MTG2: variants seen among roughly 807,000 people sequenced by gnomAD.
MTG2 encodes mitochondrial ribosome-associated GTPase 2.
Under a neutral mutation model 28.6 loss-of-function variants are expected in MTG2, and 23 were observed. That is an observed-to-expected ratio of 0.80 (90% CI 0.58 to 1.14). The LOEUF is 1.14. Among genes scored for constraint, MTG2 ranks in the 50% most tolerant of loss-of-function variants. MTG2 has a pLI of 0.00. For synonymous variants in MTG2, 260 were observed against 251.8 expected (o/e 1.03, Z -0.31); for missense variants, 539 against 552.0 (o/e 0.98, Z 0.24).
Position 62,200,787 on chromosome 20 carries a change from G to A in MTG2, c.931G>A (p.Asp311Asn). The A allele has an allele frequency of 6.2e-7, 1 of 1,613,860 alleles. No individual in the cohort carries two copies. The highest frequency in any genetic ancestry group is 8.5e-7 in the Non-Finnish European group (1 of 1,180,040). The change falls in exon 7 of 7, where the codon GAT becomes AAT. Residue 311 changes from aspartate (D) to asparagine (N), a missense_variant. Physicochemically the swap from Asp to Asn is conservative, Grantham distance 23. Transcript: ENST00000370823. ...CTGCCGCTTTCTCTTGTTCGTGGTG[G>A]ATCTTTCTCAGCCTGAGCCGTGGAC... ...ERCRFLLFVVDLSQPEPWTQV... is the reference protein window; with the variant it reads ...ERCRFLLFVVNLSQPEPWTQV...
intron 6 of MTG2, among the ~76,000 whole-genome samples, chr20:62,199,585 G>T (rs1222567665): frequency 2.7e-5 from 4 of 145,838 alleles, no homozygotes; most frequent in African/African-American, 1.0e-4. Context: ...GGCAAAGCTT[G>T]CAGTGAGCCG....
At chr20:62,194,288 C>A (rs1365256407) in intron 2 of MTG2, among the ~76,000 whole-genome samples, 1 of 152,216 alleles carries the variant, frequency 6.6e-6, no homozygotes, top group Admixed American at 6.5e-5. Flanking sequence ...AATGGAGGGG[C>A]TCCAGATAAG....
rs148334622 is a variant in MTG2 at position 62,192,119 on chromosome 20, G to A, written c.-5-1297G>A. On this transcript the variant is annotated intron_variant, in intron 1 of 6. Coordinates refer to ENST00000370823, the MANE Select transcript of MTG2 (RefSeq NM_015666.4). ...ATTCAGTTCAGTCTGACCCTGCCGCGGTTATCAGGGACCCCAGCGTTAGGG... is the reference window on the plus strand; with the variant it reads ...ATTCAGTTCAGTCTGACCCTGCCGCAGTTATCAGGGACCCCAGCGTTAGGG... Among the ~76,000 whole-genome samples the A allele has an allele frequency of 2.6e-4, 39 of 152,326 alleles. No individual in the cohort carries two copies. The South Asian group carries it at 7.1e-3, about 28-fold the overall frequency.
chr20:62,183,450 A>G (rs1568778260), intron 1 of MTG2, among the ~76,000 whole-genome samples: 1 of 152,252 alleles, frequency 6.6e-6, no homozygotes, highest in Non-Finnish European at 1.5e-5. Flanking sequence ...TAAACATTTT[A>G]AAGTGATTAT....
chr20:62,190,979 C>G (rs1004196578), intron 1 of MTG2, among the ~76,000 whole-genome samples: 3 of 152,078 alleles, frequency 2.0e-5, no homozygotes, highest in African/African-American at 7.2e-5. Context: ...TGGGAGCAGG[C>G]GGGGAGGTGG....
rs2058165536 is a variant in MTG2 at position 62,201,244 on chromosome 20, C to T, written c.*167C>T. The T allele has an allele frequency of 1.2e-5, 10 of 827,118 alleles. No homozygotes were observed. The highest frequency in any genetic ancestry group is 1.8e-5 in the Non-Finnish European group (10 of 547,100). The allele number at this position is 827,118 out of a possible 1,614,324, so 51.2% of individuals were successfully genotyped here. On this transcript the variant is annotated 3_prime_UTR_variant, in exon 7 of 7. Coordinates refer to ENST00000370823, the MANE Select transcript of MTG2 (RefSeq NM_015666.4). ...AGATGCCCTCATGTTGGGAAGCATTCCGTGCCCCCTACCCCGCCTGCCCTC... is the reference window on the plus strand; with the variant it reads ...AGATGCCCTCATGTTGGGAAGCATTTCGTGCCCCCTACCCCGCCTGCCCTC...
intron 2 of MTG2, among the ~76,000 whole-genome samples, chr20:62,195,216 A>C (rs1290787827): frequency 2.0e-5 from 3 of 152,028 alleles, no homozygotes; most frequent in African/African-American, 7.3e-5. Context: ...ACAAAAAACA[A>C]AACAGCTTTC....
intron 3 of MTG2, 65 bp downstream of exon 3, chr20:62,196,014 C>A: frequency 6.3e-7 from 1 of 1,579,144 alleles, no homozygotes; most frequent in East Asian, 2.3e-5. Context: ...TGCATTTGAA[C>A]TAAAAACCTG....
chr20:62,190,932 G>A (rs572930114), intron 1 of MTG2, among the ~76,000 whole-genome samples: 54 of 152,234 alleles, frequency 3.5e-4, no homozygotes, highest in Non-Finnish European at 6.5e-4. Context: ...AACTCAGCCA[G>A]TCGGAGAACA....
Position 62,201,502 on chromosome 20 carries a change from A to G in MTG2, c.*425A>G, listed in dbSNP as rs529783031. 38 of 164,378 alleles carry G rather than the reference A, an allele frequency of 2.3e-4. No individual in the cohort carries two copies. The highest frequency in any genetic ancestry group is 4.5e-4 in the Non-Finnish European group (34 of 76,136). 10.2% of individuals were successfully genotyped at this position (164,378 alleles called of 1,614,324 possible). On this transcript the variant is annotated 3_prime_UTR_variant, in exon 7 of 7. Coordinates refer to ENST00000370823, the MANE Select transcript of MTG2 (RefSeq NM_015666.4). ...TCAGCACAGTGCCCGTCGTGCTTCC[A>G]TGGCTTGCTACGGAGAGAGACCTCT...
At chr20:62,198,975 G>A in intron 5 of MTG2, 123 bp downstream of exon 5, 1 of 1,536,768 alleles carries the variant, frequency 6.5e-7, no homozygotes, top group Middle Eastern at 1.7e-4. Context: ...TTTCCCATCA[G>A]TACACTGCTG....
Position 62,200,719 on chromosome 20 carries a change from A to G in MTG2, c.863A>G (p.Gln288Arg). The G allele has an allele frequency of 6.2e-7, 1 of 1,612,650 alleles. No homozygotes were observed. The highest frequency in any genetic ancestry group is 8.5e-7 in the Non-Finnish European group (1 of 1,179,760). Reference protein sequence around the residue: ...DIPGIIRGAHQNRGLGSAFLR... With the variant: ...DIPGIIRGAHRNRGLGSAFLR... ...CCCGGCATCATACGAGGCGCCCACC[A>G]GAACAGGGGTCTGGGGTCCGCCTTC... Residue 288 changes from glutamine (Q) to arginine (R), a missense_variant, in exon 7 of 7, where the codon CAG becomes CGG. Coordinates refer to ENST00000370823, the MANE Select transcript of MTG2 (RefSeq NM_015666.4).
At chr20:62,199,086 G>T (rs73309508) in intron 5 of MTG2, 33 bp from the exon 6 acceptor site, 8 of 1,612,026 alleles carry the variant, frequency 5.0e-6, no homozygotes, top group South Asian at 2.2e-5. Context: ...GTGCTGCCGC[G>T]GGCCGTGCCA....
At chr20:62,186,528 G>GTTTTTTTT (rs56818308) in intron 1 of MTG2, among the ~76,000 whole-genome samples, 15 of 127,098 alleles carry the variant, frequency 1.2e-4, no homozygotes, top group Non-Finnish European at 1.5e-4. Flanking sequence ...TTTTTTTTTT[G>GTTTTTTTT]TTTTTTTTTT....
At chr20:62,193,303 G>A (rs2145845378) in intron 1 of MTG2, 113 bp from the exon 2 acceptor site, 2 of 1,069,944 alleles carry the variant, frequency 1.9e-6, no homozygotes, top group Non-Finnish European at 2.8e-6. Context: ...CAGTTCACTT[G>A]TTTGTTTCAG....
intron 1 of MTG2, among the ~76,000 whole-genome samples, chr20:62,192,735 C>T (rs2057984180): frequency 1.3e-5 from 2 of 152,136 alleles, no homozygotes; most frequent in African/African-American, 4.8e-5. Context: ...GTGTCAGGCA[C>T]CCCTATCGCC....
chr20:62,187,910 C>T (rs976259578), intron 1 of MTG2, among the ~76,000 whole-genome samples: 1 of 152,060 alleles, frequency 6.6e-6, no homozygotes, highest in African/African-American at 2.4e-5. Context: ...TTAGATCTTT[C>T]TTCTTTACCA....
chr20:62,189,317 GA>G (rs765949239), intron 1 of MTG2, among the ~76,000 whole-genome samples: 1 of 150,028 alleles, frequency 6.7e-6, no homozygotes. Flanking sequence ...AAAAAAAAAA[GA>G]AAAAAAAGTG....
At chr20:62,198,087 C>A in intron 4 of MTG2, 120 bp downstream of exon 4, 2 of 750,610 alleles carry the variant, frequency 2.7e-6, no homozygotes, top group Non-Finnish European at 2.2e-6. Flanking sequence ...GGAAACAGCA[C>A]AATGGAAACG....
Sources: gnomAD v4.1 joint callset for allele counts (sites outside exome capture counted in the v4.1 genomes callset) on GRCh38, gnomAD v4.1.1 for gene constraint, MANE v1.5 for transcripts, NCBI Gene and HGNC (gene_info 2026-07-23, HGNC 2026-07-21) for gene names.